The following PAPPA variants were observed in gnomAD, a reference collection of about 807,000 sequenced individuals.
PAPPA encodes the protein pappalysin-1.
Under a neutral mutation model 164.0 loss-of-function variants are expected in PAPPA, and 60 were observed. That is an observed-to-expected ratio of 0.37 (90% confidence interval 0.30 to 0.45). The LOEUF is 0.45. Among genes scored for constraint, PAPPA ranks in the 20% least tolerant of loss-of-function variants. The pLI is 1.00. For missense variants in PAPPA, 1,782 were observed against 2,087.3 expected (o/e 0.85, Z 2.85); for synonymous variants, 875 against 814.1 (o/e 1.07, Z -1.27).
intron 1 of PAPPA, among the ~76,000 whole-genome samples, chr9:116,177,888 T>C (rs1159191376): frequency 2.6e-5 from 4 of 152,158 alleles, no homozygotes; most frequent in African/African-American, 9.7e-5. Context: ...CTTGATCTTT[T>C]TTTCTTGTCC....
At chr9:116,253,879 C>T (rs1844890707) in intron 7 of PAPPA, among the ~76,000 whole-genome samples, 1 of 152,114 alleles carries the variant, frequency 6.6e-6, no homozygotes, top group Admixed American at 6.6e-5. Flanking sequence ...CAATTTATTC[C>T]ATCCTACAGG....
chr9:116,220,009 A>G lies in PAPPA; in HGVS notation c.1991A>G (p.Gln664Arg), dbSNP rs1302166923. 1.2e-6 allele frequency: 2 copies of G among 1,614,020 alleles called. No individual in the cohort carries two copies. The highest frequency in any genetic ancestry group is 2.7e-5 in the African/African-American group (2 of 74,932). Reference sequence around the variant, plus strand: ...CACTGTTACCTGGACCTGGTCTACCAGGGCTGGCAGCCCTCCAGGAAACCA... The same window carrying G: ...CACTGTTACCTGGACCTGGTCTACCGGGGCTGGCAGCCCTCCAGGAAACCA... ...RMHCYLDLVY[Q>R]GWQPSRKPAP... Residue 664 changes from glutamine (Q) to arginine (R), a missense_variant, in exon 5 of 22, where the codon CAG becomes CGG. Around this residue, in one of 2 missense-constraint regions of PAPPA, gnomAD observed 1,324 missense variants for 1,656.9 expected, o/e 0.80. Coordinates refer to ENST00000328252, the MANE Select transcript of PAPPA (RefSeq NM_002581.5).
chr9:116,279,890 G>A (rs1845246784), intron 9 of PAPPA, among the ~76,000 whole-genome samples: 2 of 152,190 alleles, frequency 1.3e-5, no homozygotes, highest in African/African-American at 4.8e-5. Flanking sequence ...ATATTCATGA[G>A]CTGTGATCTC....
intron 5 of PAPPA, among the ~76,000 whole-genome samples, chr9:116,220,490 A>G (rs114671603): frequency 0.011 from 1,665 of 148,338 alleles, 35 homozygotes; most frequent in African/African-American, 0.038. Flanking sequence ...TATATTATAT[A>G]TTATATTATA....
intron 15 of PAPPA, among the ~76,000 whole-genome samples, chr9:116,351,146 C>T (rs1173834785): frequency 6.6e-6 from 1 of 152,126 alleles, no homozygotes; most frequent in Admixed American, 6.6e-5. Context: ...TATTGTACTC[C>T]TCCCTGTCCC....
chr9:116,301,800 A>C (rs1466434266), intron 9 of PAPPA, among the ~76,000 whole-genome samples: 1 of 152,222 alleles, frequency 6.6e-6, no homozygotes, highest in Non-Finnish European at 1.5e-5. Flanking sequence ...AGCATTAGAC[A>C]GGAAGGGTTC....
At chr9:116,194,066 G>GT (rs1239417282) in intron 2 of PAPPA, among the ~76,000 whole-genome samples, 2 of 152,224 alleles carry the variant, frequency 1.3e-5, no homozygotes, top group African/African-American at 4.8e-5. Context: ...CAAGAAAGAT[G>GT]TGAGTCTGGT....
chr9:116,384,609 T>A (rs1846781241), intron 21 of PAPPA, among the ~76,000 whole-genome samples: 1 of 152,214 alleles, frequency 6.6e-6, no homozygotes, highest in South Asian at 2.1e-4. Flanking sequence ...TTTCTTATAA[T>A]TTTAACTAAA....
Position 116,181,323 on chromosome 9 carries a change from C to CCT in PAPPA, c.416-5816_416-5815dup, listed in dbSNP as rs753367535. Among the ~76,000 whole-genome samples, 8 of 150,452 alleles carry CCT rather than the reference C, an allele frequency of 5.3e-5. No individual in the cohort carries two copies. The East Asian group carries it at 7.9e-4, about 15-fold the overall frequency. On this transcript the variant is annotated intron_variant, in intron 1 of 21. Coordinates refer to ENST00000328252, the MANE Select transcript of PAPPA (RefSeq NM_002581.5). ...TCAGCCAGGTTTGTTTCTTCCAAGA[C>CCT]CTCTCTCTCTCTCTCTTTCTCTCTC...
At chr9:116,194,583 T>C (rs1332873690) in intron 2 of PAPPA, among the ~76,000 whole-genome samples, 2 of 152,230 alleles carry the variant, frequency 1.3e-5, no homozygotes, top group African/African-American at 4.8e-5. Context: ...CTGCACTAGC[T>C]GTCTGACCTT....
intron 7 of PAPPA, among the ~76,000 whole-genome samples, chr9:116,256,852 AAAAATGTATAG>A (rs1484291685): frequency 6.6e-6 from 1 of 152,010 alleles, no homozygotes; most frequent in Non-Finnish European, 1.5e-5. Flanking sequence ...TTGAGCTGAT[AAAAATGTATAG>A]AACCCTGATA....
chr9:116,344,295 A>G (rs1023838918), intron 13 of PAPPA, among the ~76,000 whole-genome samples: 4 of 152,190 alleles, frequency 2.6e-5, no homozygotes, highest in African/African-American at 9.7e-5. Context: ...TTAAATCTTG[A>G]TAACATACAA....
chr9:116,379,066 C>A (rs1846692522), intron 20 of PAPPA, among the ~76,000 whole-genome samples: 1 of 152,218 alleles, frequency 6.6e-6, no homozygotes, highest in Admixed American at 6.5e-5. Flanking sequence ...CCTGGGCACT[C>A]ATTCTGCTGA....
intron 10 of PAPPA, among the ~76,000 whole-genome samples, chr9:116,317,643 T>G (rs559945218): frequency 6.6e-6 from 1 of 152,382 alleles, no homozygotes; most frequent in East Asian, 1.9e-4. Context: ...TGTTTTCGTA[T>G]TCTGGTCCAG....
At chr9:116,276,230 G>T (rs1042992156) in intron 9 of PAPPA, among the ~76,000 whole-genome samples, 10 of 152,228 alleles carry the variant, frequency 6.6e-5, no homozygotes, top group African/African-American at 1.9e-4. Context: ...AAAGCTGAAG[G>T]AGGTGGGATA....
In PAPPA at chr9:116,314,060, C is replaced by CTTTTTTTTTTTTTTTTTTTTTT. The variant is rs57871796; in HGVS notation, c.3147+11119_3147+11140dup. On this transcript the variant is annotated intron_variant, in intron 10 of 21. Coordinates refer to ENST00000328252, the MANE Select transcript of PAPPA (RefSeq NM_002581.5). ...ATTCAGTTCTGTCATTGCATCGAAT[C>CTTTTTTTTTTTTTTTTTTTTTT]TTTTTTTTTTTTTTTTTTTTTTTTT... 1.6e-4 allele frequency among the ~76,000 whole-genome samples: 11 copies of CTTTTTTTTTTTTTTTTTTTTTT among 69,728 alleles called. 1 individual carries two copies. The highest frequency in any genetic ancestry group is 9.5e-4 in the South Asian group (2 of 2,110). The allele number at this position is 69,728 out of a possible 152,430, so 45.7% of individuals were successfully genotyped here.
chr9:116,254,445 A>T (rs1444657804), intron 7 of PAPPA, among the ~76,000 whole-genome samples: 10 of 152,200 alleles, frequency 6.6e-5, no homozygotes, highest in Admixed American at 6.5e-4. Context: ...TTGTGATCTT[A>T]TATTTATACA....
Position 116,352,761 on chromosome 9 carries a change from C to G in PAPPA, c.4020C>G (p.Ala1340=), listed in dbSNP as rs1413601794. The change falls in exon 16 of 22, where the codon GCC becomes GCG. Residue 1340 remains alanine, a synonymous_variant. Coordinates refer to ENST00000328252, the MANE Select transcript of PAPPA (RefSeq NM_002581.5). ...ATGGGCTGTGGTCCTTCCCAGAGGC[C>G]CTGTGTGAGCTCATGTGCCTCGCTC... ...MEDGLWSFPE[A]LCELMCLAPP... is the part of the protein sequence containing the mutation. 1.2e-6 allele frequency: 2 copies of G among 1,613,782 alleles called. No homozygotes were observed. The highest frequency in any genetic ancestry group is 1.7e-6 in the Non-Finnish European group (2 of 1,179,996).
chr9:116,320,363 AAGG>A (rs1261892037), intron 10 of PAPPA, among the ~76,000 whole-genome samples: 1 of 152,178 alleles, frequency 6.6e-6, no homozygotes, highest in Non-Finnish European at 1.5e-5. Flanking sequence ...GCTGAGCCCC[AAGG>A]CTGGAGGGCA....
Sources: allele counts gnomAD v4.1 joint callset (sites outside exome capture counted in the v4.1 genomes callset), GRCh38; gene constraint gnomAD v4.1.1; regional missense constraint gnomAD v4.1.1; transcripts MANE v1.5; gene names NCBI Gene and HGNC (gene_info 2026-07-23, HGNC 2026-07-21).